Variants in ZNF541 observed in about 807,000 individuals in gnomAD.
The protein encoded by ZNF541 is zinc finger protein 541.
In ZNF541, 23 loss-of-function variants were observed where a neutral mutation model predicts 123.5. That is an observed-to-expected ratio of 0.19 (90% CI 0.13 to 0.26). The LOEUF (loss-of-function observed/expected upper bound fraction) is 0.26, where lower values mean the gene tolerates loss of function less well. Ranked by LOEUF, ZNF541 falls within the 10% of genes least tolerant of loss-of-function variation. ZNF541 has a pLI of 1.00. For synonymous variants in ZNF541, 751 were observed against 754.5 expected (o/e 1.00, Z 0.08); for missense variants, 1,612 against 1,789.9 (o/e 0.90, Z 1.79).
chr19:47,529,808 G>T (rs1359879952), intron 12 of ZNF541, among the ~76,000 whole-genome samples, 156 bp from the exon 13 acceptor site: 1 of 152,202 alleles, frequency 6.6e-6, no homozygotes, highest in East Asian at 1.9e-4. Context: ...ACCAGCCTGT[G>T]AACTGTCTGT....
At chr19:47,531,181 G>A (rs796477154) in intron 12 of ZNF541, among the ~76,000 whole-genome samples, 14 of 128,394 alleles carry the variant, frequency 1.1e-4, no homozygotes, top group African/African-American at 3.6e-4. Context: ...TTCCTCTCCC[G>A]CTCCTCACAG....
intron 2 of ZNF541, among the ~76,000 whole-genome samples, chr19:47,556,978 G>A (rs2974189): frequency 0.14 from 21,007 of 151,836 alleles, 2,599 homozygotes; most frequent in African/African-American, 0.34. Flanking sequence ...GGCTGATCTC[G>A]AACTCCTGAC....
rs1568498236 is a variant in ZNF541, at chr19:47,544,204, T to C, written c.2325A>G (p.Val775=). The C allele has an allele frequency of 6.4e-7, 1 of 1,551,694 alleles. No homozygotes were observed. Among genetic ancestry groups the C allele is most frequent in the Non-Finnish European group, 8.7e-7 (1 of 1,147,010 alleles). Residue 775 remains valine, a synonymous_variant, in exon 5 of 17, where the codon GTA becomes GTG. Transcript: ENST00000391901. ...DMCCAASPSQ[V]AMASFSSAGP... The stretch of plus-strand genomic sequence containing the variant: ...CGGCCGATGAGAAGGAGGCCATGGC[T>C]ACCTGGCTCGGAGAAGCCGCACAGC...
chr19:47,536,722 C>T (rs1254986775), intron 9 of ZNF541, among the ~76,000 whole-genome samples: 1 of 152,156 alleles, frequency 6.6e-6, no homozygotes, highest in Non-Finnish European at 1.5e-5. Context: ...CATACAACTG[C>T]ACTCCAGCCT....
At chr19:47,556,106 G>A (rs763281991) in intron 2 of ZNF541, among the ~76,000 whole-genome samples, 152 bp from the exon 3 acceptor site, 5 of 152,158 alleles carry the variant, frequency 3.3e-5, no homozygotes, top group Admixed American at 6.5e-5. Flanking sequence ...TAAGCTCCAC[G>A]AGCCCCAGGT....
rs1381666656 is a variant in ZNF541, at chr19:47,521,926, G to C, written c.3639C>G (p.Asp1213Glu). The change falls in exon 15 of 17, where the codon GAC (aspartate) becomes GAG (glutamate). Residue 1213 changes from aspartate to glutamate, a missense_variant. Physicochemically the swap from Asp to Glu is conservative, Grantham distance 45. This residue lies in a region of ZNF541 where 285 missense variants were observed against 407.3 expected (regional missense o/e 0.70). Coordinates refer to ENST00000391901, the MANE Select transcript of ZNF541 (RefSeq NM_001277075.3). The surrounding 1 kb of genome is among the most constrained non-coding windows in gnomAD (Gnocchi z 4.2). ...TTTCTAGCCCTGGGGCTCGGCCACAGTCAAACTTGATCATTTTTTTCCAGA... is the reference window on the plus strand; with the variant it reads ...TTTCTAGCCCTGGGGCTCGGCCACACTCAAACTTGATCATTTTTTTCCAGA... Reference protein sequence around the residue: ...YYIWKKMIKFDCGRAPGLEKR... With the variant: ...YYIWKKMIKFECGRAPGLEKR... The C allele has an allele frequency of 1.3e-6, 2 of 1,551,804 alleles. No individual in the cohort carries two copies. The highest frequency in any genetic ancestry group is 2.7e-5 in the African/African-American group (2 of 73,032).
intron 2 of ZNF541, 46 bp from the exon 3 acceptor site, chr19:47,556,000 G>C: frequency 1.2e-6 from 1 of 857,896 alleles, no homozygotes; most frequent in Non-Finnish European, 1.8e-6. Context: ...TGGCAAAACA[G>C]CATTGTGGGC....
At chr19:47,571,738 T>A (rs181760853) in intron 2 of ZNF541, among the ~76,000 whole-genome samples, 158 bp downstream of exon 2, 1 of 151,914 alleles carries the variant, frequency 6.6e-6, no homozygotes, top group Admixed American at 6.6e-5. Flanking sequence ...ACATGCACAA[T>A]AAATAGCCCT....
intron 3 of ZNF541, 129 bp from the exon 4 acceptor site, chr19:47,549,614 A>C: frequency 7.3e-7 from 1 of 1,378,010 alleles, no homozygotes; most frequent in East Asian, 2.5e-5. Flanking sequence ...CTTGCTCCAC[A>C]CAAAGTAAAC....
At chr19:47,527,990 C>G (rs998776117) in intron 14 of ZNF541, among the ~76,000 whole-genome samples, 19 of 147,388 alleles carry the variant, frequency 1.3e-4, no homozygotes, top group Admixed American at 1.1e-3. Flanking sequence ...TAAACCACCA[C>G]GCCAGGCCCT....
chr19:47,543,805 GCTA>G (rs1488315320), intron 5 of ZNF541, among the ~76,000 whole-genome samples: 8 of 151,722 alleles, frequency 5.3e-5, no homozygotes, highest in African/African-American at 1.9e-4. Flanking sequence ...ACCACGCCCA[GCTA>G]CTTTTTTAAA....
At chr19:47,541,751 G>A (rs987196259) in intron 5 of ZNF541, among the ~76,000 whole-genome samples, 25 of 152,108 alleles carry the variant, frequency 1.6e-4, no homozygotes, top group African/African-American at 1.9e-4. Context: ...AACAAACCAC[G>A]GACAATAACA....
At chr19:47,549,874 G>A (rs765756571) in intron 3 of ZNF541, among the ~76,000 whole-genome samples, 4 of 152,138 alleles carry the variant, frequency 2.6e-5, no homozygotes, top group Non-Finnish European at 5.9e-5. Flanking sequence ...TTTCACATAA[G>A]GAAATAAATG....
At chr19:47,531,843 C>G (rs1969587262) in intron 11 of ZNF541, 98 bp from the exon 12 acceptor site, 2 of 1,115,964 alleles carry the variant, frequency 1.8e-6, no homozygotes, top group Non-Finnish European at 2.6e-6. Flanking sequence ...GGGGTGCCTT[C>G]CCCTTCTCTC....
At position 47,521,190 on chromosome 19, in the gene ZNF541, C is replaced by G; in HGVS notation, c.*34G>C. On this transcript the variant is annotated 3_prime_UTR_variant, in exon 17 of 17. Transcript: ENST00000391901. This position sits in a 1 kb window ranked among gnomAD's most constrained non-coding sequence, Gnocchi z 4.2. ...GAGGCCGAAGGGAGGAGGGGCAGCA[C>G]TGGAGGCCCCATTCGGACTTGCTGC... is the stretch of plus-strand genomic sequence containing the variant. 1.3e-6 allele frequency: 2 copies of G among 1,546,222 alleles called. No individual in the cohort carries two copies. The highest frequency in any genetic ancestry group is 2.0e-4 in the Middle Eastern group (1 of 4,994).
At chr19:47,529,078 C>T in intron 13 of ZNF541, 40 bp from the exon 14 acceptor site, 1 of 1,446,668 alleles carries the variant, frequency 6.9e-7, no homozygotes, top group Non-Finnish European at 9.5e-7. Context: ...GGCCATTTGT[C>T]CTGGGACCAC....
chr19:47,570,989 A>G (rs1019011908), intron 2 of ZNF541, among the ~76,000 whole-genome samples: 1 of 152,074 alleles, frequency 6.6e-6, no homozygotes, highest in African/African-American at 2.4e-5. Context: ...TACTATTCCA[A>G]TAAGAAAAAG....
chr19:47,521,638 C>T lies in ZNF541; in HGVS notation c.3728G>A (p.Arg1243Gln), dbSNP rs1238154335. ...AGTTGGATGGTGGCTGGGTCTCTCC[C>T]GAGGGCTGCATGGGACCTGCAGAGG... is the stretch of plus-strand genomic sequence containing the variant. Reference protein sequence around the residue: ...RTEEKVPCSPRERPSHHPTPK... With the variant: ...RTEEKVPCSPQERPSHHPTPK... Residue 1243 changes from arginine to glutamine, a missense_variant, in exon 16 of 17, where the codon CGG (arginine) becomes CAG (glutamine). By Grantham distance (43) the Arg-to-Gln change is conservative. Transcript: ENST00000391901. This position sits in a 1 kb window ranked among gnomAD's most constrained non-coding sequence, Gnocchi z 4.2. The T allele has an allele frequency of 2.1e-5, 32 of 1,551,528 alleles. No individual in the cohort carries two copies. The highest frequency in any genetic ancestry group is 1.7e-4 in the Middle Eastern group (1 of 6,012).
rs1970299823 is a variant in ZNF541, at chr19:47,545,426, G to C, written c.1103C>G (p.Pro368Arg). ...AENGAPDPPE[P>R]EPDTALLQAR... The stretch of plus-strand genomic sequence containing the variant: ...CTGGAGCAGCGCGGTATCTGGCTCC[G>C]GCTCTGGCGGGTCGGGGGCGCCGTT... The change falls in exon 5 of 17, where the codon CCG (proline) becomes CGG (arginine). Residue 368 changes from proline to arginine, a missense_variant. Physicochemically the swap from Pro to Arg is moderately radical, Grantham distance 103. Transcript: ENST00000391901. This position sits in a 1 kb window ranked among gnomAD's most constrained non-coding sequence, Gnocchi z 7.5. The C allele has an allele frequency of 6.7e-6, 10 of 1,483,386 alleles. No individual in the cohort carries two copies. In the East Asian group the frequency reaches 1.7e-4, roughly 26 times the overall value. The allele number at this position is 1,483,386 out of a possible 1,614,324, so 91.9% of individuals were successfully genotyped here. A position where few individuals can be genotyped will look rare whatever the true frequency, so the allele number is the denominator to read the frequency against.
Sources: allele counts gnomAD v4.1 joint callset (sites outside exome capture counted in the v4.1 genomes callset), GRCh38; gene constraint gnomAD v4.1.1; regional missense constraint gnomAD v4.1.1; non-coding constraint Gnocchi (gnomAD v3.1); transcripts MANE v1.5; gene names NCBI Gene and HGNC (gene_info 2026-07-23, HGNC 2026-07-21).